The following BCL11B variants were observed in gnomAD, a reference collection of about 807,000 sequenced individuals.
The protein encoded by BCL11B is BCL11 transcription factor B.
A neutral mutation model predicts 49.9 loss-of-function variants in BCL11B; 8 were observed. That is an observed-to-expected ratio of 0.16 (90% CI 0.09 to 0.29). The LOEUF (loss-of-function observed/expected upper bound fraction) is 0.29, where lower values mean the gene tolerates loss of function less well. Ranked by LOEUF, BCL11B falls within the 10% of genes least tolerant of loss-of-function variation. The pLI is 1.00. For synonymous variants in BCL11B, 739 were observed against 637.4 expected, an observed-to-expected ratio of 1.16 and a Z score of -2.40; for missense variants, 1,006 against 1,351.0, an observed-to-expected ratio of 0.74 and a Z score of 4.00.
At position 99,174,803 on chromosome 14, in the gene BCL11B, C is replaced by G; in HGVS notation, c.2033G>C (p.Ser678Thr). 7.0e-7 allele frequency: 1 copy of G among 1,428,304 alleles called. No individual in the cohort carries two copies. The highest frequency in any genetic ancestry group is 1.5e-5 in the South Asian group (1 of 67,480). 88.5% of individuals were successfully genotyped at this position (1,428,304 alleles called of 1,614,324 possible). The change falls in exon 4 of 4, where the codon AGC (serine) becomes ACC (threonine). Residue 678 changes from serine (S) to threonine (T), a missense_variant. By Grantham distance (58) the Ser-to-Thr change is moderately conservative. Around this residue, in one of 6 missense-constraint regions of BCL11B, gnomAD observed 443 missense variants for 499.7 expected, o/e 0.89. Coordinates refer to ENST00000357195, the MANE Select transcript of BCL11B (RefSeq NM_138576.4). ...CTTGGCGGCGCTGTTGAGCCCGGGG[C>G]TGGGCAGCGGCGCGGGCTTGCGCGG... is the stretch of plus-strand genomic sequence containing the variant. Reference protein sequence around the residue: ...LFPRKPAPLPSPGLNSAAKRI... With the variant: ...LFPRKPAPLPTPGLNSAAKRI...
intron 3 of BCL11B, among the ~76,000 whole-genome samples, chr14:99,211,526 A>T (rs967160421): frequency 1.3e-5 from 2 of 152,200 alleles, no homozygotes; most frequent in Non-Finnish European, 2.9e-5. Flanking sequence ...ATGCACACTC[A>T]CACATGCACT....
At position 99,247,705 on chromosome 14, in the gene BCL11B, A is replaced by G. The variant is rs1248126101; in HGVS notation, c.427+9766T>C. ...TCTTGTGGATTGGACGGATGGCTTC[A>G]TCTGTGCCATATCACTAGAGGCACA... On this transcript the variant is annotated intron_variant, in intron 2 of 3. Coordinates refer to ENST00000357195, the MANE Select transcript of BCL11B (RefSeq NM_138576.4). This position sits in a 1 kb window ranked among gnomAD's most constrained non-coding sequence, Gnocchi z 4.5. 6.6e-6 allele frequency among the ~76,000 whole-genome samples: 1 copy of G among 152,204 alleles called. No homozygotes were observed. Among genetic ancestry groups the G allele is most frequent in the Non-Finnish European group, 1.5e-5 (1 of 68,026 alleles).
chr14:99,180,000 T>C (rs1886654768), intron 3 of BCL11B, among the ~76,000 whole-genome samples: 1 of 152,210 alleles, frequency 6.6e-6, no homozygotes, highest in Non-Finnish European at 1.5e-5. Context: ...CTCAGACGGC[T>C]CATTTTTAAG....
At chr14:99,271,051 G>T in intron 1 of BCL11B, 110 bp downstream of exon 1, 1 of 1,156,038 alleles carries the variant, frequency 8.7e-7, no homozygotes, top group Non-Finnish European at 1.2e-6. Context: ...GCCAGCCAGC[G>T]GGCGGCCCCG....
rs1223846304 is a variant in BCL11B at position 99,172,460 on chromosome 14, C to T, written c.*1691G>A. 1 of 203,074 alleles carries T rather than the reference C, an allele frequency of 4.9e-6. No homozygotes were observed. The highest frequency in any genetic ancestry group is 7.5e-5 in the East Asian group (1 of 13,364). The allele number at this position is 203,074 out of a possible 1,614,324, so 12.6% of individuals were successfully genotyped here. On this transcript the variant is annotated 3_prime_UTR_variant, in exon 4 of 4. Transcript: ENST00000357195. Reference sequence around the variant, plus strand: ...GTTAGTTTCTAAAGAATGTACTTTTCTTGTTTTACTTTTTTAAAAAGTCTT... The same window carrying T: ...GTTAGTTTCTAAAGAATGTACTTTTTTTGTTTTACTTTTTTAAAAAGTCTT...
rs572248851 is a variant in BCL11B at position 99,234,796 on chromosome 14, C to T, written c.428-3239G>A. On this transcript the variant is annotated intron_variant, in intron 2 of 3. Coordinates refer to ENST00000357195, the MANE Select transcript of BCL11B (RefSeq NM_138576.4). ...AGGATGTTCTCTGAGCATAGCAAAG[C>T]GCCCTGCAAAGACCTGCAAGACACT... is the stretch of plus-strand genomic sequence containing the variant. Among the ~76,000 whole-genome samples, 17 of 146,828 alleles carry T rather than the reference C, an allele frequency of 1.2e-4. No individual in the cohort carries two copies. In the South Asian group the frequency reaches 2.4e-3, roughly 20 times the overall value.
Position 99,174,531 on chromosome 14 carries a change from C to A in BCL11B, c.2305G>T (p.Gly769Cys). The change falls in exon 4 of 4, where the codon GGC becomes TGC. Residue 769 changes from glycine to cysteine, a missense_variant. This residue lies in a region of BCL11B where 443 missense variants were observed against 499.7 expected (regional missense o/e 0.89). Coordinates refer to ENST00000357195, the MANE Select transcript of BCL11B (RefSeq NM_138576.4). ...GGGGTGCTGCCTCCGCTGGCCGTGCCGCTGCGGCCCGAGAGGCCGCCGTCC... is the reference window on the plus strand; with the variant it reads ...GGGGTGCTGCCTCCGCTGGCCGTGCAGCTGCGGCCCGAGAGGCCGCCGTCC... ...LLDGGLSGRS[G>C]TASGGSTPHL... 1 of 1,514,444 alleles carries A rather than the reference C, an allele frequency of 6.6e-7. No homozygotes were observed. The highest frequency in any genetic ancestry group is 8.8e-7 in the Non-Finnish European group (1 of 1,133,364). 93.8% of individuals were successfully genotyped at this position (1,514,444 alleles called of 1,614,324 possible). A position where few individuals can be genotyped will look rare whatever the true frequency, so the allele number is the denominator to read the frequency against.
chr14:99,174,492 G>A lies in BCL11B; in HGVS notation c.2344C>T (p.Pro782Ser). ...TTGGAGCTGGGCCGCCCGGGGCCCG[G>A]GCCGCCCAGGTGCGGGGTGCTGCCT... ...SGGSTPHLGG[P>S]GPGRPSSKEG... The change falls in exon 4 of 4, where the codon CCG (proline) becomes TCG (serine). Residue 782 changes from proline (P) to serine (S), a missense_variant. By Grantham distance (74) the Pro-to-Ser change is moderately conservative (BLOSUM62 -1). This residue lies in a region of BCL11B where 443 missense variants were observed against 499.7 expected (regional missense o/e 0.89). Transcript: ENST00000357195. The A allele has an allele frequency of 6.4e-7, 1 of 1,552,498 alleles. No individual in the cohort carries two copies. Among genetic ancestry groups the A allele is most frequent in the Non-Finnish European group, 8.7e-7 (1 of 1,152,032 alleles).
At chr14:99,230,972 C>CG (rs1349070804) in intron 3 of BCL11B, among the ~76,000 whole-genome samples, 1 of 147,580 alleles carries the variant, frequency 6.8e-6, no homozygotes. Flanking sequence ...CTGGTCTTGG[C>CG]GGGGCAGGGG....
In BCL11B at chr14:99,173,958, T is replaced by C; in HGVS notation, c.*193A>G. On this transcript the variant is annotated 3_prime_UTR_variant, in exon 4 of 4. Transcript: ENST00000357195. ...TTGCACAGTTAAAAGGCTCCACAAT[T>C]TGTACTGCCTTAATCAACCCTCGGG... The C allele has an allele frequency of 1.7e-6, 1 of 601,030 alleles. No individual in the cohort carries two copies. The highest frequency in any genetic ancestry group is 2.8e-5 in the East Asian group (1 of 35,800). The allele number at this position is 601,030 out of a possible 1,614,324, so 37.2% of individuals were successfully genotyped here. A position where few individuals can be genotyped will look rare whatever the true frequency, so the allele number is the denominator to read the frequency against.
Position 99,231,577 on chromosome 14 carries a change from A to G in BCL11B, c.428-20T>C. ...ACGGCCCTGGAGAAAAAACAATAGA[A>G]AAGACTGGTCAGTCGGGCCCTGGAC... On this transcript the variant is annotated intron_variant, in intron 2 of 3. Coordinates refer to ENST00000357195, the MANE Select transcript of BCL11B (RefSeq NM_138576.4). This position sits in a 1 kb window ranked among gnomAD's most constrained non-coding sequence, Gnocchi z 8.1. 1 of 1,553,420 alleles carries G rather than the reference A, an allele frequency of 6.4e-7. No homozygotes were observed. Among genetic ancestry groups the G allele is most frequent in the Non-Finnish European group, 8.7e-7 (1 of 1,148,198 alleles).
rs181241989 is a variant in BCL11B at position 99,257,227 on chromosome 14, G to A, written c.427+244C>T. On this transcript the variant is annotated intron_variant, in intron 2 of 3. Transcript: ENST00000357195. The surrounding 1 kb of genome is among the most constrained non-coding windows in gnomAD (Gnocchi z 6.2). The stretch of plus-strand genomic sequence containing the variant: ...TCTGACCACCTCTGGATTAGCCCCC[G>A]AGACAGAGTCCCCTCACCAAAAGCA... Among the ~76,000 whole-genome samples, 2 of 152,176 alleles carry A rather than the reference G, an allele frequency of 1.3e-5. No homozygotes were observed. The highest frequency in any genetic ancestry group is 2.1e-4 in the South Asian group (1 of 4,802).
intron 3 of BCL11B, among the ~76,000 whole-genome samples, chr14:99,229,479 T>C (rs557259111): frequency 6.6e-6 from 1 of 152,078 alleles, no homozygotes; most frequent in South Asian, 2.1e-4. Flanking sequence ...CAAGGACAAA[T>C]CCCAGTTCTG....
rs1422872503 is a variant in BCL11B at position 99,192,918 on chromosome 14, T to C, written c.641-16723A>G. On this transcript the variant is annotated intron_variant, in intron 3 of 3. Transcript: ENST00000357195. This position sits in a 1 kb window ranked among gnomAD's most constrained non-coding sequence, Gnocchi z 4.0. ...ATGAGTGAATGAATGGATAAAAGAG[T>C]GAATGAATGAATGAGTAAATTAGTG... 6.7e-6 allele frequency among the ~76,000 whole-genome samples: 1 copy of C among 150,246 alleles called. No homozygotes were observed. The highest frequency in any genetic ancestry group is 1.5e-5 in the Non-Finnish European group (1 of 67,686).
intron 1 of BCL11B, among the ~76,000 whole-genome samples, chr14:99,259,055 C>G (rs1889262058): frequency 6.6e-6 from 1 of 152,070 alleles, no homozygotes; most frequent in Non-Finnish European, 1.5e-5. Context: ...TTTCATATTC[C>G]CCTCGGGGTC....
At chr14:99,204,115 G>C (rs1887465381) in intron 3 of BCL11B, among the ~76,000 whole-genome samples, 1 of 152,200 alleles carries the variant, frequency 6.6e-6, no homozygotes, top group African/African-American at 2.4e-5. Flanking sequence ...CTCGGCCTCA[G>C]AGGGGAAAAG....
intron 3 of BCL11B, among the ~76,000 whole-genome samples, chr14:99,227,662 A>G (rs762358904): frequency 2.0e-5 from 3 of 152,136 alleles, no homozygotes; most frequent in Non-Finnish European, 2.9e-5. Context: ...TCGTTTTCAA[A>G]TGTTGCATAC....
chr14:99,252,121 C>G (rs1889025914), intron 2 of BCL11B, among the ~76,000 whole-genome samples: 1 of 152,168 alleles, frequency 6.6e-6, no homozygotes, highest in Non-Finnish European at 1.5e-5. Context: ...TCCCAACACC[C>G]AAACCCCAGC....
At chr14:99,221,330 A>G (rs1170216060) in intron 3 of BCL11B, among the ~76,000 whole-genome samples, 1 of 152,218 alleles carries the variant, frequency 6.6e-6, no homozygotes, top group Non-Finnish European at 1.5e-5. Context: ...TAACAAAGGC[A>G]ATCATTTAAA....
Sources: gnomAD v4.1 joint callset for allele counts (sites outside exome capture counted in the v4.1 genomes callset) on GRCh38, gnomAD v4.1.1 for gene constraint, gnomAD v4.1.1 regional missense constraint, Gnocchi (gnomAD v3.1) non-coding constraint, MANE v1.5 for transcripts, NCBI Gene and HGNC (gene_info 2026-07-23, HGNC 2026-07-21) for gene names.